Variants in PCDHA1 observed in about 807,000 individuals in gnomAD.
The protein encoded by PCDHA1 is protocadherin alpha 1, also known as protocadherin alpha-1.
Under a neutral mutation model 61.3 loss-of-function variants are expected in PCDHA1, and 42 were observed. The ratio of observed to expected loss-of-function variants is 0.69; its 90% CI spans 0.54 to 0.89. The LOEUF (loss-of-function observed/expected upper bound fraction) is 0.89, where lower values mean the gene tolerates loss of function less well. Ranked by LOEUF, PCDHA1 falls within the 40% of genes least tolerant of loss-of-function variation. The pLI, the probability that PCDHA1 is intolerant of heterozygous loss-of-function variation, is 0.00. For synonymous variants in PCDHA1, 610 were observed against 553.8 expected (o/e 1.10, Z -1.43); for missense variants, 1,256 against 1,235.3 (o/e 1.02, Z -0.25).
At chr5:140,951,941 C>T (rs576414648) in intron 1 of PCDHA1, among the ~76,000 whole-genome samples, 8 of 152,220 alleles carry the variant, frequency 5.3e-5, no homozygotes, top group African/African-American at 1.4e-4. Flanking sequence ...AGATACAGTG[C>T]GGGTACAGGC....
At chr5:140,992,236 G>A (rs1431521103) in intron 3 of PCDHA1, among the ~76,000 whole-genome samples, 1 of 152,168 alleles carries the variant, frequency 6.6e-6, no homozygotes, top group African/African-American at 2.4e-5. Context: ...GAAGAGTAAG[G>A]AAGGAAGTAG....
chr5:140,923,000 G>A (rs1554201089), intron 1 of PCDHA1, among the ~76,000 whole-genome samples: 2 of 152,220 alleles, frequency 1.3e-5, no homozygotes, highest in African/African-American at 4.8e-5. Context: ...CCATGAGAAT[G>A]GTTGTTGGAC....
intron 1 of PCDHA1, chr5:140,967,795 G>A (rs1399903836): frequency 3.1e-6 from 5 of 1,614,068 alleles, no homozygotes; most frequent in Non-Finnish European, 1.7e-6. Context: ...GGGGTCCAGT[G>A]CCCATGGCAG....
At chr5:140,925,923 C>CT (rs111894943) in intron 1 of PCDHA1, among the ~76,000 whole-genome samples, 7,061 of 152,174 alleles carry the variant, frequency 0.046, 290 homozygotes, top group African/African-American at 0.11. Context: ...GCAAAGCACT[C>CT]CCAAGTAGAG....
At chr5:140,907,591 C>T (rs539639384) in intron 1 of PCDHA1, among the ~76,000 whole-genome samples, 10 of 152,294 alleles carry the variant, frequency 6.6e-5, no homozygotes, top group African/African-American at 2.4e-4. Flanking sequence ...GGCTGATCAC[C>T]CTGAGGAATG....
chr5:140,856,441 G>T, intron 1 of PCDHA1: 1 of 1,598,410 alleles, frequency 6.3e-7, no homozygotes, highest in East Asian at 2.2e-5. Flanking sequence ...ACCCGCCCAG[G>T]TTCTCCGTAA....
chr5:140,911,884 C>A (rs1283685498), intron 1 of PCDHA1, among the ~76,000 whole-genome samples: 1 of 152,050 alleles, frequency 6.6e-6, no homozygotes, highest in Non-Finnish European at 1.5e-5. Flanking sequence ...CTCCTGGGAC[C>A]AAAATCTGTA....
intron 1 of PCDHA1, chr5:140,822,691 G>A (rs2150118624): frequency 2.5e-6 from 4 of 1,610,040 alleles, no homozygotes; most frequent in South Asian, 1.1e-5. Flanking sequence ...AGTTAACGGG[G>A]AACTGGATTA....
chr5:140,849,741 G>A, intron 1 of PCDHA1: 2 of 1,598,488 alleles, frequency 1.3e-6, no homozygotes, highest in Non-Finnish European at 8.6e-7. Context: ...TCTGGACCGC[G>A]AGAGTGTGTC....
In PCDHA1 at chr5:140,840,083, C is replaced by G. The variant is rs2150303181; in HGVS notation, c.2394+51399C>G. Among the ~76,000 whole-genome samples, 6 of 151,974 alleles carry G rather than the reference C, an allele frequency of 3.9e-5. No individual in the cohort carries two copies. The East Asian group carries it at 7.7e-4, about 20-fold the overall frequency. On this transcript the variant is annotated intron_variant, in intron 1 of 3. Coordinates refer to ENST00000504120, the MANE Select transcript of PCDHA1 (RefSeq NM_018900.4). The stretch of plus-strand genomic sequence containing the variant: ...GACAATTAGTCAATAGAAAGATAAA[C>G]TTGTTGAAGATTTTAGTGAAATCGA...
intron 1 of PCDHA1, among the ~76,000 whole-genome samples, chr5:140,893,847 C>T (rs962788536): frequency 6.6e-6 from 1 of 152,134 alleles, no homozygotes; most frequent in African/African-American, 2.4e-5. Flanking sequence ...TGATGCCCTA[C>T]CTCTTGTATA....
intron 1 of PCDHA1, among the ~76,000 whole-genome samples, chr5:140,944,406 C>G (rs1003379783): frequency 6.6e-6 from 1 of 152,084 alleles, no homozygotes; most frequent in African/African-American, 2.4e-5. Flanking sequence ...AGGCTGGTCT[C>G]GAACTCCTGA....
chr5:140,837,615 C>T (rs1253493684), intron 1 of PCDHA1, among the ~76,000 whole-genome samples: 3 of 145,806 alleles, frequency 2.1e-5, no homozygotes, highest in Non-Finnish European at 4.5e-5. Flanking sequence ...TATAATTTGC[C>T]CCTTCCTTCC....
intron 1 of PCDHA1, chr5:140,821,766 C>G (rs1424332975): frequency 3.8e-6 from 6 of 1,592,294 alleles, no homozygotes; most frequent in Admixed American, 3.5e-5. Flanking sequence ...ATAATTGGAA[C>G]GAGATTGAGA....
At chr5:140,805,047 C>A in intron 1 of PCDHA1, 2 of 1,590,192 alleles carry the variant, frequency 1.3e-6, no homozygotes, top group Non-Finnish European at 1.7e-6. Context: ...AGCCAAAGTA[C>A]TTGTCTTCCC....
At chr5:140,870,015 T>C (rs367677663) in intron 1 of PCDHA1, 5 of 1,613,476 alleles carry the variant, frequency 3.1e-6, no homozygotes, top group Admixed American at 1.7e-5. Context: ...TGAGGGTCAA[T>C]GGAACTTTAG....
chr5:140,854,159 C>CAAAAA (rs59855104), intron 1 of PCDHA1: 4,589 of 339,800 alleles, frequency 0.014, 33 homozygotes, highest in Middle Eastern at 0.024. Flanking sequence ...GATTCTGTCT[C>CAAAAA]AAAAAAAAAA....
intron 1 of PCDHA1, chr5:140,876,084 A>G: frequency 6.2e-7 from 1 of 1,613,962 alleles, no homozygotes; most frequent in Non-Finnish European, 8.5e-7. Context: ...ACAGAGAGCA[A>G]ACGCCAAAAC....
chr5:140,830,654 A>T (rs1554132964), intron 1 of PCDHA1: 1 of 436,460 alleles, frequency 2.3e-6, no homozygotes, highest in African/African-American at 2.1e-5. Context: ...TTTAATATTC[A>T]TAATTTAAGT....
Sources: allele counts gnomAD v4.1 joint callset (sites outside exome capture counted in the v4.1 genomes callset), GRCh38; gene constraint gnomAD v4.1.1; transcripts MANE v1.5; gene names NCBI Gene and HGNC (gene_info 2026-07-23, HGNC 2026-07-21).